Variants in FOXP1 observed in about 807,000 individuals in gnomAD.
FOXP1 encodes forkhead box P1.
Under a neutral mutation model 98.2 loss-of-function variants are expected in FOXP1, and 15 were observed. That is an observed-to-expected ratio of 0.15 (90% confidence interval 0.10 to 0.24). The LOEUF (loss-of-function observed/expected upper bound fraction) is 0.24. Among genes scored for constraint, FOXP1 ranks in the 10% least tolerant of loss-of-function variants. The pLI, the probability that FOXP1 is intolerant of heterozygous loss-of-function variation, is 1.00. For synonymous variants in FOXP1, 371 were observed against 314.5 expected (o/e 1.18, Z -1.90); for missense variants, 633 against 848.5 (o/e 0.75, Z 3.15).
intron 6 of FOXP1, among the ~76,000 whole-genome samples, chr3:71,181,989 C>A (rs1476077285): frequency 6.7e-6 from 1 of 148,848 alleles, no homozygotes; most frequent in African/African-American, 2.5e-5. Flanking sequence ...GAGCCGAGAT[C>A]GCGCCACTGC....
At chr3:71,143,584 G>A (rs1347580779) in intron 6 of FOXP1, among the ~76,000 whole-genome samples, 1 of 152,152 alleles carries the variant, frequency 6.6e-6, no homozygotes, top group Admixed American at 6.5e-5. Flanking sequence ...CTGTTGTGAG[G>A]AGTAAGTCAT....
Position 71,450,785 on chromosome 3 carries a change from CT to C in FOXP1, c.-168+42640del, listed in dbSNP as rs907077627. 7.6e-4 allele frequency among the ~76,000 whole-genome samples: 99 copies of C among 130,596 alleles called. 1 individual carries two copies. Among genetic ancestry groups the C allele is most frequent in the Middle Eastern group, 4.0e-3 (1 of 252 alleles). The allele number at this position is 130,596 out of a possible 152,430, so 85.7% of individuals were successfully genotyped here. A position where few individuals can be genotyped will look rare whatever the true frequency, so the allele number is the denominator to read the frequency against. ...AGAATAAACAATTTTATGGAATATT[CT>C]TTTTTTTTTTGAAGACCTAATTATA... On this transcript the variant is annotated intron_variant, in intron 3 of 20. Transcript: ENST00000649528.
intron 2 of FOXP1, among the ~76,000 whole-genome samples, chr3:71,522,136 C>A (rs2043040230): frequency 6.6e-6 from 1 of 152,198 alleles, no homozygotes; most frequent in Non-Finnish European, 1.5e-5. Context: ...CTTGGGCCTG[C>A]CAAGAGTTCC....
intron 5 of FOXP1, among the ~76,000 whole-genome samples, chr3:71,255,863 A>G (rs2068579322): frequency 6.6e-6 from 1 of 152,222 alleles, no homozygotes; most frequent in African/African-American, 2.4e-5. Context: ...AGAAGTAATT[A>G]AAGTAAATGA....
At chr3:71,508,234 A>T (rs977009458) in intron 2 of FOXP1, among the ~76,000 whole-genome samples, 3 of 152,238 alleles carry the variant, frequency 2.0e-5, no homozygotes, top group Non-Finnish European at 4.4e-5. Flanking sequence ...GGCACTACAG[A>T]TAATGTTTAT....
chr3:71,084,898 T>C (rs932049742), intron 7 of FOXP1, among the ~76,000 whole-genome samples: 1 of 152,094 alleles, frequency 6.6e-6, no homozygotes, highest in Non-Finnish European at 1.5e-5. Context: ...CTGGGTGTGG[T>C]GTTGGGTACC....
chr3:71,265,505 C>T (rs541645416), intron 5 of FOXP1, among the ~76,000 whole-genome samples: 38 of 152,320 alleles, frequency 2.5e-4, no homozygotes, highest in African/African-American at 8.4e-4. Flanking sequence ...GGAAAGCCAA[C>T]TGGATGGTTC....
intron 2 of FOXP1, chr3:71,571,172 G>T (rs2047313333): frequency 6.6e-6 from 1 of 152,144 alleles, no homozygotes; most frequent in Non-Finnish European, 1.5e-5. Context: ...GACAAGGAAG[G>T]TAGAATCAGT....
chr3:71,242,131 T>C (rs1467369656), intron 5 of FOXP1, among the ~76,000 whole-genome samples: 2 of 152,210 alleles, frequency 1.3e-5, no homozygotes, highest in Admixed American at 6.5e-5. Flanking sequence ...GCAGCAATGA[T>C]AACAATGCAG....
chr3:71,362,373 G>A (rs562195585), intron 3 of FOXP1, among the ~76,000 whole-genome samples: 2 of 152,092 alleles, frequency 1.3e-5, no homozygotes, highest in East Asian at 1.9e-4. Flanking sequence ...GGGTTTTGCC[G>A]TGTTAGCCAG....
At chr3:71,232,221 T>C (rs571072989) in intron 5 of FOXP1, among the ~76,000 whole-genome samples, 2 of 152,250 alleles carry the variant, frequency 1.3e-5, no homozygotes, top group Non-Finnish European at 2.9e-5. Context: ...CAATTTCACA[T>C]GTAGTAAATC....
intron 7 of FOXP1, among the ~76,000 whole-genome samples, chr3:71,103,913 A>C (rs913288512): frequency 6.6e-6 from 1 of 152,114 alleles, no homozygotes; most frequent in African/African-American, 2.4e-5. Flanking sequence ...ACCACAGACG[A>C]ATATTGTGTA....
intron 4 of FOXP1, among the ~76,000 whole-genome samples, chr3:71,300,419 T>A (rs2073745787): frequency 6.6e-6 from 1 of 152,188 alleles, no homozygotes; most frequent in Non-Finnish European, 1.5e-5. Flanking sequence ...CGAAAGCTGT[T>A]CACAGAATGT....
intron 2 of FOXP1, among the ~76,000 whole-genome samples, chr3:71,566,367 G>A (rs547375411): frequency 3.9e-5 from 6 of 152,256 alleles, no homozygotes; most frequent in Non-Finnish European, 5.9e-5. Flanking sequence ...CCACATTCTC[G>A]TTCCCCAAGG....
At chr3:70,969,244 G>A (rs1031416869) in intron 19 of FOXP1, 3 of 151,836 alleles carry the variant, frequency 2.0e-5, no homozygotes, top group African/African-American at 4.8e-5. Flanking sequence ...GGGAAAATAA[G>A]TTACTAATGA....
chr3:71,378,016 T>C (rs1039613488), intron 3 of FOXP1, among the ~76,000 whole-genome samples: 1 of 150,324 alleles, frequency 6.7e-6, no homozygotes, highest in African/African-American at 2.5e-5. Flanking sequence ...TTTTTTGTTT[T>C]AAACAGAATT....
chr3:71,467,121 C>T (rs1045549593), intron 3 of FOXP1, among the ~76,000 whole-genome samples: 7 of 152,046 alleles, frequency 4.6e-5, no homozygotes, highest in South Asian at 4.1e-4. Context: ...TGTGTGTGTA[C>T]GTGTGTGTGT....
chr3:71,438,939 GGGACA>G (rs140156876), intron 3 of FOXP1, among the ~76,000 whole-genome samples: 2,250 of 146,614 alleles, frequency 0.015, 47 homozygotes, highest in African/African-American at 0.052. Context: ...GATGGTAGCA[GGGACA>G]GGAGCTCTTC....
rs1247334737 is a variant in FOXP1, at chr3:70,958,280, T to A, written c.*967A>T. 1 of 535,708 alleles carries A rather than the reference T, an allele frequency of 1.9e-6. No homozygotes were observed. The highest frequency in any genetic ancestry group is 1.9e-5 in the African/African-American group (1 of 53,572). 33.2% of individuals were successfully genotyped at this position (535,708 alleles called of 1,614,324 possible). A position where few individuals can be genotyped will look rare whatever the true frequency, so the allele number is the denominator to read the frequency against. On this transcript the variant is annotated 3_prime_UTR_variant, in exon 21 of 21. Transcript: ENST00000649528. ...CCACCCCCAATACTGCTGCGTGGAA[T>A]GAATCGGCATTGTTCCTAGAGTTTG...
Sources: gnomAD v4.1 joint callset for allele counts (sites outside exome capture counted in the v4.1 genomes callset) on GRCh38, gnomAD v4.1.1 for gene constraint, MANE v1.5 for transcripts, NCBI Gene and HGNC (gene_info 2026-07-23, HGNC 2026-07-21) for gene names.